DPP10: variants seen among roughly 807,000 people sequenced by gnomAD.
DPP10 encodes the protein dipeptidyl peptidase like 10.
Under a neutral mutation model 120.9 loss-of-function variants are expected in DPP10, and 33 were observed. The observed-to-expected ratio is 0.27, with a 90% confidence interval of 0.21 to 0.37. The LOEUF (loss-of-function observed/expected upper bound fraction) is 0.37, where lower values mean the gene tolerates loss of function less well. DPP10 is among the 10% of genes least tolerant of loss of function. The probability of loss-of-function intolerance (pLI) is 1.00; values close to 1 mark genes in which losing one functional copy is unlikely to be tolerated. For synonymous variants in DPP10, 337 were observed against 326.1 expected, an observed-to-expected ratio of 1.03 and a Z score of -0.36; for missense variants, 816 against 942.8, an observed-to-expected ratio of 0.87 and a Z score of 1.76.
intron 4 of DPP10, among the ~76,000 whole-genome samples, chr2:115,503,560 T>C (rs1432035441): frequency 2.6e-5 from 4 of 152,232 alleles, no homozygotes; most frequent in East Asian, 3.9e-4. Flanking sequence ...GAAAATTCGA[T>C]TGGCCACGTA....
chr2:115,827,407 T>TAC (rs1688452640), intron 21 of DPP10, among the ~76,000 whole-genome samples: 1 of 30,630 alleles, frequency 3.3e-5, no homozygotes, highest in African/African-American at 6.3e-5. Flanking sequence ...TGTGTGTATG[T>TAC]GTGTGTGTAT....
At chr2:115,459,925 TTA>T (rs1553418431) in intron 3 of DPP10, among the ~76,000 whole-genome samples, 1 of 130,122 alleles carries the variant, frequency 7.7e-6, no homozygotes, top group East Asian at 2.2e-4. Context: ...AACATATATT[TTA>T]TATATATATA....
chr2:114,681,107 C>T (rs1052758118), intron 1 of DPP10, among the ~76,000 whole-genome samples: 1 of 151,956 alleles, frequency 6.6e-6, no homozygotes, highest in Non-Finnish European at 1.5e-5. Context: ...ACCCCTTTTG[C>T]AAATTCCAAC....
At chr2:115,339,650 C>CA (rs890428013) in intron 2 of DPP10, among the ~76,000 whole-genome samples, 4 of 152,248 alleles carry the variant, frequency 2.6e-5, no homozygotes, top group African/African-American at 9.6e-5. Flanking sequence ...ATTATTTATA[C>CA]ATTCAACAAC....
At position 114,927,225 on chromosome 2, in the gene DPP10, A is replaced by T. The variant is rs183223154; in HGVS notation, c.61-382014A>T. Among the ~76,000 whole-genome samples the T allele has an allele frequency of 3.3e-5, 5 of 152,180 alleles. No individual in the cohort carries two copies. In the East Asian group the frequency reaches 9.7e-4, roughly 30 times the overall value. ...GATGCAACACTGTATCTCATGCTGG[A>T]TTAGCAGCCCTGGAAACCAGAGCTG... On this transcript the variant is annotated intron_variant, in intron 1 of 25. Coordinates refer to ENST00000410059, the MANE Select transcript of DPP10 (RefSeq NM_020868.6).
At chr2:115,035,540 T>G (rs1184074791) in intron 1 of DPP10, among the ~76,000 whole-genome samples, 2 of 152,246 alleles carry the variant, frequency 1.3e-5, no homozygotes, top group Non-Finnish European at 2.9e-5. Flanking sequence ...TCCTAAAAAC[T>G]GCTTGTAAAG....
chr2:115,320,167 A>AT (rs771797247), intron 2 of DPP10, among the ~76,000 whole-genome samples: 2 of 152,086 alleles, frequency 1.3e-5, no homozygotes, highest in Non-Finnish European at 2.9e-5. Flanking sequence ...TTAAAGTCTA[A>AT]TTTTTCTGAT....
intron 3 of DPP10, among the ~76,000 whole-genome samples, chr2:115,491,874 G>C (rs769406640): frequency 1.2e-4 from 18 of 152,098 alleles, no homozygotes; most frequent in Non-Finnish European, 2.4e-4. Context: ...AATTTCAAGG[G>C]TAGGGGTAGA....
chr2:115,446,334 C>G (rs1466631405), intron 3 of DPP10, among the ~76,000 whole-genome samples: 3 of 152,122 alleles, frequency 2.0e-5, no homozygotes, highest in Non-Finnish European at 1.5e-5. Context: ...GATTTGGAGC[C>G]CACACACAGA....
intron 3 of DPP10, among the ~76,000 whole-genome samples, chr2:115,417,248 T>C (rs2104640987): frequency 6.6e-6 from 1 of 152,224 alleles, no homozygotes; most frequent in Admixed American, 6.5e-5. Flanking sequence ...AAGGTACCAA[T>C]AGAAAACACA....
At chr2:114,968,304 TC>T (rs1308616871) in intron 1 of DPP10, among the ~76,000 whole-genome samples, 2 of 152,214 alleles carry the variant, frequency 1.3e-5, no homozygotes, top group Non-Finnish European at 2.9e-5. Flanking sequence ...TGAGACCTGT[TC>T]TCATTCCTCT....
intron 1 of DPP10, among the ~76,000 whole-genome samples, chr2:114,445,385 T>C (rs1677880638): frequency 6.6e-6 from 1 of 152,186 alleles, no homozygotes; most frequent in Non-Finnish European, 1.5e-5. Flanking sequence ...TAGAGAACTT[T>C]TCCCCCATCA....
intron 3 of DPP10, among the ~76,000 whole-genome samples, chr2:115,466,412 A>C (rs2074328912): frequency 6.6e-6 from 1 of 152,210 alleles, no homozygotes; most frequent in Admixed American, 6.5e-5. Context: ...AAAGTCCTAC[A>C]AATATTATTA....
intron 1 of DPP10, among the ~76,000 whole-genome samples, chr2:115,229,438 G>A (rs1315801153): frequency 6.6e-6 from 1 of 152,106 alleles, no homozygotes; most frequent in Non-Finnish European, 1.5e-5. Context: ...TATTACTCAA[G>A]AAATCTTTGC....
At chr2:115,439,365 G>A (rs907447757) in intron 3 of DPP10, among the ~76,000 whole-genome samples, 5 of 152,190 alleles carry the variant, frequency 3.3e-5, no homozygotes, top group Non-Finnish European at 7.3e-5. Flanking sequence ...TTTCAGTCTG[G>A]AATGATGAAA....
intron 2 of DPP10, among the ~76,000 whole-genome samples, chr2:115,343,288 A>C (rs2063539175): frequency 6.6e-6 from 1 of 152,182 alleles, no homozygotes; most frequent in Non-Finnish European, 1.5e-5. Context: ...ATTTAAGTCA[A>C]ATCTACTTTG....
rs74599281 is a variant in DPP10 at position 114,489,200 on chromosome 2, C to T, written c.60+46362C>T. 6.1e-3 allele frequency among the ~76,000 whole-genome samples: 933 copies of T among 152,308 alleles called. 5 individuals carry two copies. The highest frequency in any genetic ancestry group is 0.01 in the Non-Finnish European group (709 of 68,032). On this transcript the variant is annotated intron_variant, in intron 1 of 25. Transcript: ENST00000410059. ...TAATATTCCTGCTGTATCTTTTTCC[C>T]CTGCACTGTTATGTTTTAGATATTC... is the stretch of plus-strand genomic sequence containing the variant.
intron 1 of DPP10, among the ~76,000 whole-genome samples, chr2:114,895,117 G>A (rs1448266660): frequency 6.6e-6 from 1 of 152,180 alleles, no homozygotes; most frequent in Non-Finnish European, 1.5e-5. Flanking sequence ...GGTAGAGGAA[G>A]TGTTCAGGAT....
intron 3 of DPP10, among the ~76,000 whole-genome samples, chr2:115,491,943 C>T (rs2105352232): frequency 6.6e-6 from 1 of 152,234 alleles, no homozygotes; most frequent in East Asian, 1.9e-4. Flanking sequence ...CAGCAGGATT[C>T]TTGTTAAAGG....
Sources: gnomAD v4.1 joint callset for allele counts (sites outside exome capture counted in the v4.1 genomes callset) on GRCh38, gnomAD v4.1.1 for gene constraint, MANE v1.5 for transcripts, NCBI Gene and HGNC (gene_info 2026-07-23, HGNC 2026-07-21) for gene names.